Variants in MEIS3 observed in about 807,000 individuals in gnomAD.
MEIS3 encodes the protein Meis homeobox 3, also known as homeobox protein Meis3.
A neutral mutation model predicts 51.4 loss-of-function variants in MEIS3; 38 were observed. The observed-to-expected ratio is 0.74, with a 90% confidence interval of 0.57 to 0.97. The LOEUF is 0.97. Among genes scored for constraint, MEIS3 ranks in the 50% least tolerant of loss-of-function variants. MEIS3 has a pLI of 0.00. For missense variants in MEIS3, 456 were observed against 502.6 expected (o/e 0.91, Z 0.89); for synonymous variants, 198 against 201.8 (o/e 0.98, Z 0.16).
At chr19:47,420,581 C>CGCGGGTGGGAGGAG (rs1971670794), upstream of MEIS3, among the ~76,000 whole-genome samples, 2 of 87,334 alleles carry the variant, frequency 2.3e-5, no homozygotes, top group African/African-American at 4.4e-5. Context: ...GAGGTGCAGA[C>CGCGGGTGGGAGGAG]AGAGTGAGAC....
chr19:47,413,292 C>G (rs888699969), intron 6 of MEIS3, among the ~76,000 whole-genome samples: 1 of 151,676 alleles, frequency 6.6e-6, no homozygotes, highest in African/African-American at 2.4e-5. Flanking sequence ...ACCCGGGAGG[C>G]TGAGGCAGGG....
At chr19:47,407,199 G>A (rs903414758) in intron 9 of MEIS3, 62 bp from the exon 10 acceptor site, 31 of 1,557,506 alleles carry the variant, frequency 2.0e-5, no homozygotes, top group Non-Finnish European at 2.7e-5. Context: ...AGGCCAAGAC[G>A]AACACAGAGC....
At chr19:47,417,834 G>T in intron 1 of MEIS3, 1 of 610,090 alleles carries the variant, frequency 1.6e-6, no homozygotes, top group South Asian at 1.9e-5. Context: ...CACTCCACTC[G>T]CCACGTGAAT....
intron 11 of MEIS3, 115 bp from the exon 12 acceptor site, chr19:47,406,641 G>T: frequency 9.3e-7 from 1 of 1,080,882 alleles, no homozygotes. Context: ...GATAGACTGA[G>T]TCATAAGAAG....
chr19:47,406,268 G>T, intron 12 of MEIS3, 192 bp downstream of exon 12: 1 of 524,964 alleles, frequency 1.9e-6, no homozygotes. Context: ...ATACATGGAG[G>T]AGGAGGATGG....
chr19:47,416,577 A>T, intron 4 of MEIS3, 75 bp downstream of exon 4: 1 of 1,273,352 alleles, frequency 7.9e-7, no homozygotes, highest in Non-Finnish European at 1.1e-6. Context: ...CACCCCCCCC[A>T]CCAACCCCAG....
intron 4 of MEIS3, among the ~76,000 whole-genome samples, chr19:47,415,694 C>T (rs1237812839): frequency 6.6e-6 from 1 of 151,598 alleles, no homozygotes; most frequent in Non-Finnish European, 1.5e-5. Flanking sequence ...CTGCCTCAGC[C>T]TCCTGAGTAG....
intron 6 of MEIS3, among the ~76,000 whole-genome samples, chr19:47,413,894 A>ATTTTT (rs560828506): frequency 7.1e-6 from 1 of 141,806 alleles, no homozygotes; most frequent in African/African-American, 2.6e-5. Flanking sequence ...CACCCAGCTA[A>ATTTTT]TTTTTTTTTT....
In MEIS3 at chr19:47,417,224, C is replaced by A; in HGVS notation, c.139G>T (p.Gly47Cys). The change falls in exon 2 of 13, where the codon GGC becomes TGC. Residue 47 changes from glycine (G) to cysteine (C), a missense_variant. Coordinates refer to ENST00000558555, the MANE Select transcript of MEIS3 (RefSeq NM_001301059.2). ...CTCTTCAGGCCGTCGCTGTCCAAGC[C>A]TGGGGGCAGGGGCTGGGGAGGCCGG... ...PHRPPQPLPP[G>C]LDSDGLKREK... 6.3e-7 allele frequency: 1 copy of A among 1,588,612 alleles called. No homozygotes were observed. The highest frequency in any genetic ancestry group is 8.6e-7 in the Non-Finnish European group (1 of 1,169,032).
intron 5 of MEIS3, 24 bp from the exon 6 acceptor site, chr19:47,414,890 G>T (rs576873243): frequency 1.3e-6 from 2 of 1,579,242 alleles, no homozygotes; most frequent in African/African-American, 1.4e-5. Context: ...GGGGTACTGG[G>T]GGGGGCCACC....
rs935873537 is a variant in MEIS3 at position 47,410,222 on chromosome 19, C to T, written c.598-675G>A. ...CAGCACTTTGGGAGGCCGAGGCAGG[C>T]GGATCACCTGAGGTCAGGAGTTGAA... On this transcript the variant is annotated intron_variant, in intron 6 of 12. Coordinates refer to ENST00000558555, the MANE Select transcript of MEIS3 (RefSeq NM_001301059.2). Among the ~76,000 whole-genome samples, 7 of 152,024 alleles carry T rather than the reference C, an allele frequency of 4.6e-5. No individual in the cohort carries two copies. In the East Asian group the frequency reaches 7.7e-4, roughly 17 times the overall value.
At chr19:47,414,554 C>T (rs1433572910) in intron 6 of MEIS3, among the ~76,000 whole-genome samples, 163 bp downstream of exon 6, 2 of 152,146 alleles carry the variant, frequency 1.3e-5, no homozygotes, top group Non-Finnish European at 2.9e-5. Flanking sequence ...TCCGAGTCTG[C>T]GTAGCTGTTG....
chr19:47,416,798 G>T lies in MEIS3; in HGVS notation c.345+6C>A, dbSNP rs368579475. 7.2e-4 allele frequency: 1,160 copies of T among 1,613,360 alleles called. 11 individuals are homozygous for T. The highest frequency in any genetic ancestry group is 1.5e-4 in the Non-Finnish European group (172 of 1,179,742). ...ACTCGGTGTGTGGTGGGTGGGAGGTGCCCACCTGCTTGGCAAAGGCAGCGA... is the reference window on the plus strand; with the variant it reads ...ACTCGGTGTGTGGTGGGTGGGAGGTTCCCACCTGCTTGGCAAAGGCAGCGA... On this transcript the variant is annotated splice_donor_region_variant and intron_variant, in intron 3 of 12. Transcript: ENST00000558555.
At chr19:47,419,020 C>G in intron 1 of MEIS3, 50 bp downstream of exon 1, 2 of 1,221,188 alleles carry the variant, frequency 1.6e-6, no homozygotes, top group Middle Eastern at 2.3e-4. Context: ...GATGCAGGGA[C>G]AGGGGGTGCG....
intron 6 of MEIS3, among the ~76,000 whole-genome samples, chr19:47,412,745 T>A (rs1971199957): frequency 6.6e-6 from 1 of 152,088 alleles, no homozygotes; most frequent in African/African-American, 2.4e-5. Context: ...GTTTTTTTTA[T>A]GTTTAGTAGA....
intron 4 of MEIS3, chr19:47,415,946 G>C (rs1305633335): frequency 2.6e-5 from 4 of 151,920 alleles, no homozygotes; most frequent in Non-Finnish European, 5.9e-5. Flanking sequence ...GCCTGGGCTG[G>C]TATGCAGTGG....
Position 47,418,038 on chromosome 19 carries a change from C to T in MEIS3, c.13-688G>A, listed in dbSNP as rs901311190. On this transcript the variant is annotated intron_variant, in intron 1 of 12. Transcript: ENST00000558555. ...AATGAATGAGGCATTTAGCACAGGG[C>T]CTGGCTCATGCTGTGAGCACTTGTT... 1.2e-5 allele frequency: 4 copies of T among 327,100 alleles called. No homozygotes were observed. The Admixed American group carries it at 1.4e-4, about 11-fold the overall frequency. 20.3% of individuals were successfully genotyped at this position (327,100 alleles called of 1,614,324 possible). A position where few individuals can be genotyped will look rare whatever the true frequency, so the allele number is the denominator to read the frequency against.
intron 12 of MEIS3, 156 bp downstream of exon 12, chr19:47,406,304 C>T (rs1478620695): frequency 3.2e-5 from 18 of 562,074 alleles, no homozygotes; most frequent in Admixed American, 6.4e-5. Flanking sequence ...GATGGACGGA[C>T]GGACAGATGG....
At chr19:47,407,663 C>A in intron 8 of MEIS3, 3 of 1,072,144 alleles carry the variant, frequency 2.8e-6, no homozygotes, top group Non-Finnish European at 3.9e-6. Context: ...GGTTAACTGG[C>A]CAGCTCTGAT....
Sources: allele counts gnomAD v4.1 joint callset (sites outside exome capture counted in the v4.1 genomes callset), GRCh38; gene constraint gnomAD v4.1.1; transcripts MANE v1.5; gene names NCBI Gene and HGNC (gene_info 2026-07-23, HGNC 2026-07-21).